Variants in CAPZB observed in about 807,000 individuals in gnomAD.
The protein encoded by CAPZB is capping actin protein of muscle Z-line subunit beta, also known as F-actin-capping protein subunit beta.
A neutral mutation model predicts 38.1 loss-of-function variants in CAPZB; 2 were observed. The observed-to-expected ratio is 0.05, with a 90% CI of 0.02 to 0.17. The LOEUF is 0.17. CAPZB is among the 10% of genes least tolerant of loss of function. The pLI is 1.00. For missense variants in CAPZB, 161 were observed against 334.2 expected (o/e 0.48, Z 4.04); for synonymous variants, 107 against 127.4 (o/e 0.84, Z 1.08).
At chr1:19,352,765 T>C (rs2093998773) in intron 6 of CAPZB, among the ~76,000 whole-genome samples, 1 of 152,260 alleles carries the variant, frequency 6.6e-6, no homozygotes, top group South Asian at 2.1e-4. Context: ...CCAGTTGACG[T>C]CCCTGAGAAA....
intron 4 of CAPZB, among the ~76,000 whole-genome samples, chr1:19,358,495 G>C (rs2094033912): frequency 6.6e-6 from 1 of 152,170 alleles, no homozygotes; most frequent in Admixed American, 6.5e-5. Flanking sequence ...CGATCAAATG[G>C]AAGAGGGAAC....
chr1:19,345,078 G>T, intron 7 of CAPZB, 109 bp downstream of exon 7: 1 of 848,440 alleles, frequency 1.2e-6, no homozygotes, highest in Non-Finnish European at 2.0e-6. Flanking sequence ...GCCGGCTGCG[G>T]TGGAGCTGAG....
intron 6 of CAPZB, among the ~76,000 whole-genome samples, chr1:19,355,443 C>T (rs61766687): frequency 0.04 from 5,952 of 148,880 alleles, 136 homozygotes; most frequent in African/African-American, 0.053. Context: ...TGCAGTGAAC[C>T]GAGATCACAC....
At chr1:19,469,098 T>A (rs574216296) in intron 1 of CAPZB, among the ~76,000 whole-genome samples, 1 of 152,160 alleles carries the variant, frequency 6.6e-6, no homozygotes, top group Non-Finnish European at 1.5e-5. Context: ...TTTGAATGAA[T>A]GGACAGGGAG....
At chr1:19,424,986 G>A (rs1053619471) in intron 1 of CAPZB, among the ~76,000 whole-genome samples, 9 of 152,234 alleles carry the variant, frequency 5.9e-5, no homozygotes, top group Admixed American at 4.6e-4. Flanking sequence ...CCACAAGGTC[G>A]TGTGGTGTGT....
At chr1:19,377,356 C>T (rs907694671) in intron 4 of CAPZB, among the ~76,000 whole-genome samples, 1 of 152,218 alleles carries the variant, frequency 6.6e-6, no homozygotes, top group Non-Finnish European at 1.5e-5. Flanking sequence ...TAGCTTTTCA[C>T]CTCCATGTCC....
chr1:19,440,690 G>A (rs1256624416), intron 1 of CAPZB, among the ~76,000 whole-genome samples: 7 of 152,160 alleles, frequency 4.6e-5, no homozygotes, highest in Admixed American at 3.9e-4. Flanking sequence ...ATAGGCATCC[G>A]TGCACCCAAC....
chr1:19,453,431 T>G (rs2094523096), intron 1 of CAPZB, among the ~76,000 whole-genome samples: 2 of 151,694 alleles, frequency 1.3e-5, no homozygotes, highest in African/African-American at 4.9e-5. Flanking sequence ...CAGCTAATTT[T>G]TGTATTTTTA....
At chr1:19,402,791 T>TA (rs1210906148) in intron 2 of CAPZB, among the ~76,000 whole-genome samples, 2 of 152,110 alleles carry the variant, frequency 1.3e-5, no homozygotes, top group African/African-American at 4.8e-5. Context: ...CTCACCTCTG[T>TA]AATCCCAGCA....
At chr1:19,414,626 G>C (rs796196549) in intron 2 of CAPZB, among the ~76,000 whole-genome samples, 2 of 152,194 alleles carry the variant, frequency 1.3e-5, no homozygotes, top group African/African-American at 4.8e-5. Context: ...CTCTTAAAAA[G>C]GCAAAGGATG....
chr1:19,404,562 A>G (rs1002679879), intron 2 of CAPZB, among the ~76,000 whole-genome samples: 4 of 143,228 alleles, frequency 2.8e-5, no homozygotes, highest in African/African-American at 1.0e-4. Context: ...AAAAAAAAAA[A>G]AAGAGGTAAT....
chr1:19,397,024 A>G (rs1485391399), intron 2 of CAPZB, among the ~76,000 whole-genome samples: 1 of 152,138 alleles, frequency 6.6e-6, no homozygotes, highest in African/African-American at 2.4e-5. Flanking sequence ...TTGGGAAAAG[A>G]CCAGGTAAAA....
At chr1:19,370,447 C>T (rs957465528) in intron 4 of CAPZB, among the ~76,000 whole-genome samples, 8 of 152,212 alleles carry the variant, frequency 5.3e-5, no homozygotes, top group African/African-American at 1.9e-4. Flanking sequence ...CGTCCTGCTC[C>T]ATGACGTCAC....
intron 6 of CAPZB, among the ~76,000 whole-genome samples, chr1:19,351,286 ATT>A (rs201380123): frequency 7.7e-6 from 1 of 130,374 alleles, no homozygotes; most frequent in Non-Finnish European, 1.7e-5. Flanking sequence ...CGATCTTTCC[ATT>A]TTTTTTTTTT....
chr1:19,404,729 G>A (rs1054988175), intron 2 of CAPZB, among the ~76,000 whole-genome samples: 3 of 152,062 alleles, frequency 2.0e-5, no homozygotes, highest in African/African-American at 2.4e-5. Context: ...CAAGGGGCAC[G>A]CACCCTCCTC....
chr1:19,353,998 T>C (rs1026084309), intron 6 of CAPZB, among the ~76,000 whole-genome samples: 1 of 152,208 alleles, frequency 6.6e-6, no homozygotes, highest in African/African-American at 2.4e-5. Flanking sequence ...TGCACTTCCA[T>C]CTGACTATTT....
chr1:19,416,860 C>CAAAAAAAAAAA lies in CAPZB; in HGVS notation c.93+2790_93+2800dup, dbSNP rs59789230. 9.9e-4 allele frequency among the ~76,000 whole-genome samples: 69 copies of CAAAAAAAAAAA among 69,430 alleles called. 6 individuals carry two copies. The highest frequency in any genetic ancestry group is 3.3e-3 in the African/African-American group (56 of 16,796). The allele number at this position is 69,430 out of a possible 152,430, so 45.5% of individuals were successfully genotyped here. ...TGGGTGACAGAGCAAGACCCTGTCT[C>CAAAAAAAAAAA]AAAAAAAAAAAAAAAAAAAAAAAAA... On this transcript the variant is annotated intron_variant, in intron 2 of 8. Coordinates refer to ENST00000264202, the MANE Select transcript of CAPZB (RefSeq NM_004930.5).
At chr1:19,448,189 G>C (rs1372872470) in intron 1 of CAPZB, among the ~76,000 whole-genome samples, 1 of 152,206 alleles carries the variant, frequency 6.6e-6, no homozygotes, top group Non-Finnish European at 1.5e-5. Flanking sequence ...AGCAAGAAGG[G>C]TGGTGCGCCG....
intron 4 of CAPZB, among the ~76,000 whole-genome samples, chr1:19,367,846 A>G (rs1454422039): frequency 6.6e-6 from 1 of 152,168 alleles, no homozygotes; most frequent in African/African-American, 2.4e-5. Context: ...TCTGGAAACA[A>G]TGGTGCCGCT....
Sources: allele counts gnomAD v4.1 joint callset (sites outside exome capture counted in the v4.1 genomes callset), GRCh38; gene constraint gnomAD v4.1.1; transcripts MANE v1.5; gene names NCBI Gene and HGNC (gene_info 2026-07-23, HGNC 2026-07-21).